The following ADAMTSL1 variants were observed in gnomAD, a reference collection of about 807,000 sequenced individuals.
ADAMTSL1 encodes the protein ADAMTS like 1.
ADAMTSL1 carries 126 observed loss-of-function variants against 201.8 expected under a neutral mutation model. The ratio of observed to expected loss-of-function variants is 0.62; its 90% CI spans 0.54 to 0.72. ADAMTSL1 has a LOEUF of 0.72. Among genes scored for constraint, ADAMTSL1 ranks in the 30% least tolerant of loss-of-function variants. ADAMTSL1 has a pLI of 0.00. For missense variants in ADAMTSL1, 2,679 were observed against 2,277.8 expected (o/e 1.18, Z -3.59); for synonymous variants, 1,121 against 903.4 (o/e 1.24, Z -4.32).
At chr9:18,224,253 C>G (rs1830363022) in intron 2 of ADAMTSL1, among the ~76,000 whole-genome samples, 1 of 152,080 alleles carries the variant, frequency 6.6e-6, no homozygotes, top group African/African-American at 2.4e-5. Flanking sequence ...GATCAAGACA[C>G]CAGCAGGTTC....
intron 2 of ADAMTSL1, among the ~76,000 whole-genome samples, chr9:18,410,517 C>T (rs1449661638): frequency 1.3e-5 from 2 of 152,156 alleles, no homozygotes; most frequent in Non-Finnish European, 2.9e-5. Context: ...AGAATAATGG[C>T]TTCCAATGAC....
At chr9:18,642,870 A>T (rs1479202326) in intron 7 of ADAMTSL1, among the ~76,000 whole-genome samples, 1 of 152,006 alleles carries the variant, frequency 6.6e-6, no homozygotes, top group Non-Finnish European at 1.5e-5. Flanking sequence ...GGCTGTTGTG[A>T]CTAGTGCTGC....
intron 2 of ADAMTSL1, among the ~76,000 whole-genome samples, chr9:18,455,471 T>A (rs1175375022): frequency 6.6e-6 from 1 of 152,216 alleles, no homozygotes; most frequent in Non-Finnish European, 1.5e-5. Flanking sequence ...TATTCATAAA[T>A]GCATTTTGCA....
At chr9:18,205,489 G>T (rs979714507) in intron 2 of ADAMTSL1, among the ~76,000 whole-genome samples, 1 of 151,824 alleles carries the variant, frequency 6.6e-6, no homozygotes, top group Admixed American at 6.6e-5. Context: ...AAAAAAAAAC[G>T]AAAAGTTTTA....
chr9:18,573,368 A>G (rs1474970048), intron 3 of ADAMTSL1: 1 of 154,906 alleles, frequency 6.5e-6, no homozygotes, highest in African/African-American at 2.4e-5. Context: ...AATAGGGGCA[A>G]TAACTCTGCA....
intron 13 of ADAMTSL1, among the ~76,000 whole-genome samples, chr9:18,695,351 C>T (rs1831489071): frequency 6.6e-6 from 1 of 152,224 alleles, no homozygotes; most frequent in Non-Finnish European, 1.5e-5. Context: ...GTTTCTGTAG[C>T]TAGCTTGAAT....
chr9:18,023,360 G>T (rs888044899), intron 1 of ADAMTSL1, among the ~76,000 whole-genome samples: 1 of 152,068 alleles, frequency 6.6e-6, no homozygotes, highest in African/African-American at 2.4e-5. Context: ...ACCATACCTT[G>T]TGAACACTCA....
At chr9:18,498,979 A>T (rs1243557168) in intron 1 of ADAMTSL1, among the ~76,000 whole-genome samples, 2 of 152,244 alleles carry the variant, frequency 1.3e-5, no homozygotes, top group Non-Finnish European at 2.9e-5. Context: ...AATGCGCAAA[A>T]GCGCACTGGA....
At chr9:18,396,514 A>G (rs960171861) in intron 2 of ADAMTSL1, among the ~76,000 whole-genome samples, 1 of 148,174 alleles carries the variant, frequency 6.7e-6, no homozygotes, top group African/African-American at 2.4e-5. Flanking sequence ...GTGAAATTAT[A>G]TATTAATTAT....
chr9:18,565,813 A>G (rs966730916), intron 3 of ADAMTSL1, among the ~76,000 whole-genome samples: 12 of 152,186 alleles, frequency 7.9e-5, no homozygotes, highest in African/African-American at 2.9e-4. Flanking sequence ...GCAGCTAGCA[A>G]TCTTGCACAA....
At chr9:18,161,815 G>A (rs554272576) in intron 1 of ADAMTSL1, among the ~76,000 whole-genome samples, 20 of 152,010 alleles carry the variant, frequency 1.3e-4, no homozygotes, top group African/African-American at 3.6e-4. Context: ...AATTTTAAAC[G>A]TAGCAGGAGT....
At chr9:18,018,455 T>C (rs1820348223) in intron 1 of ADAMTSL1, among the ~76,000 whole-genome samples, 1 of 152,068 alleles carries the variant, frequency 6.6e-6, no homozygotes. Context: ...TCTAATAGAC[T>C]ATGGCATGGA....
intron 1 of ADAMTSL1, among the ~76,000 whole-genome samples, chr9:17,981,139 T>A (rs1324304225): frequency 6.6e-6 from 1 of 152,204 alleles, no homozygotes; most frequent in African/African-American, 2.4e-5. Flanking sequence ...GGGTCATAGC[T>A]TATCCAAACC....
At chr9:18,114,414 A>G (rs547563514) in intron 1 of ADAMTSL1, among the ~76,000 whole-genome samples, 2 of 152,284 alleles carry the variant, frequency 1.3e-5, no homozygotes, top group South Asian at 2.1e-4. Flanking sequence ...AATGAGCCAA[A>G]CTTTCTGAAG....
At position 18,474,171 on chromosome 9, in the gene ADAMTSL1, A is replaced by G. The variant is rs922482212; in HGVS notation, c.-62A>G. On this transcript the variant is annotated 5_prime_UTR_variant, in exon 1 of 29. Transcript: ENST00000380548. ...TAGCACCAGTACTGGATGTGACAGC[A>G]GGCAGAGGAGCACTTAGCAGCTTAT... 1.3e-6 allele frequency: 2 copies of G among 1,497,250 alleles called. No individual in the cohort carries two copies. Among genetic ancestry groups the G allele is most frequent in the Non-Finnish European group, 1.9e-6 (2 of 1,076,012 alleles). 92.7% of individuals were successfully genotyped at this position (1,497,250 alleles called of 1,614,324 possible).
chr9:18,890,846 GC>G (rs1229095751), intron 25 of ADAMTSL1: 16 of 306,780 alleles, frequency 5.2e-5, no homozygotes, highest in Non-Finnish European at 1.0e-4. Context: ...GCCAAGCTGT[GC>G]AAAATGAAGA....
At chr9:18,841,710 T>A (rs1825728287) in intron 23 of ADAMTSL1, among the ~76,000 whole-genome samples, 1 of 152,242 alleles carries the variant, frequency 6.6e-6, no homozygotes, top group Admixed American at 6.5e-5. Flanking sequence ...TGTCACAATT[T>A]CAGTTCCTGT....
intron 1 of ADAMTSL1, among the ~76,000 whole-genome samples, chr9:18,070,497 T>G (rs1186786863): frequency 1.3e-5 from 2 of 152,180 alleles, no homozygotes; most frequent in African/African-American, 2.4e-5. Context: ...TAGGAATGTA[T>G]GAGTAAATGA....
At chr9:18,782,507 C>T (rs529851618) in intron 19 of ADAMTSL1, among the ~76,000 whole-genome samples, 24 of 152,260 alleles carry the variant, frequency 1.6e-4, no homozygotes, top group Admixed American at 7.8e-4. Context: ...TTGTTGATTG[C>T]CTTTCCGCAA....
Sources: allele counts gnomAD v4.1 joint callset (sites outside exome capture counted in the v4.1 genomes callset), GRCh38; gene constraint gnomAD v4.1.1; transcripts MANE v1.5; gene names NCBI Gene and HGNC (gene_info 2026-07-23, HGNC 2026-07-21).